Variants in MTUS2 observed in about 807,000 individuals in gnomAD.
MTUS2 encodes microtubule associated scaffold protein 2, also known as microtubule-associated tumor suppressor candidate 2.
Under a neutral mutation model 114.1 loss-of-function variants are expected in MTUS2, and 40 were observed. That is an observed-to-expected ratio of 0.35 (90% confidence interval 0.27 to 0.46). MTUS2 has a LOEUF of 0.46. Among genes scored for constraint, MTUS2 ranks in the 20% least tolerant of loss-of-function variants. MTUS2 has a pLI of 1.00. For synonymous variants in MTUS2, 688 were observed against 672.0 expected (o/e 1.02, Z -0.37); for missense variants, 1,679 against 1,705.4 (o/e 0.98, Z 0.27).
At chr13:29,269,756 A>C (rs141497099) in intron 5 of MTUS2, among the ~76,000 whole-genome samples, 57 of 152,190 alleles carry the variant, frequency 3.7e-4, no homozygotes, top group African/African-American at 1.3e-3. Flanking sequence ...AGATATTTAC[A>C]CTCTCATGTT....
intron 8 of MTUS2, among the ~76,000 whole-genome samples, chr13:29,401,155 T>C (rs1874312346): frequency 6.6e-6 from 1 of 152,060 alleles, no homozygotes; most frequent in Admixed American, 6.6e-5. Flanking sequence ...GACTGGCTAA[T>C]TTTTACATTT....
chr13:29,115,042 A>G (rs888114435), intron 5 of MTUS2, among the ~76,000 whole-genome samples: 1 of 152,258 alleles, frequency 6.6e-6, no homozygotes, highest in African/African-American at 2.4e-5. Flanking sequence ...ACCTGAATAG[A>G]AAGTAATGCA....
intron 2 of MTUS2, among the ~76,000 whole-genome samples, chr13:28,842,143 C>T (rs1262881401): frequency 6.6e-6 from 1 of 151,986 alleles, no homozygotes; most frequent in Non-Finnish European, 1.5e-5. Flanking sequence ...GTGTTGTTTA[C>T]ATCTAAAACG....
intron 7 of MTUS2, among the ~76,000 whole-genome samples, chr13:29,354,226 T>G (rs966751371): frequency 6.6e-6 from 1 of 151,418 alleles, no homozygotes. Context: ...ACCATTGTCT[T>G]GTATATTTTG....
chr13:28,954,670 A>AGG (rs1882974645), intron 2 of MTUS2, among the ~76,000 whole-genome samples: 1 of 152,106 alleles, frequency 6.6e-6, no homozygotes, highest in African/African-American at 2.4e-5. Flanking sequence ...GGAATGGAAA[A>AGG]GGTGGCCTTC....
chr13:29,172,194 A>G (rs1181642261), intron 5 of MTUS2, among the ~76,000 whole-genome samples: 1 of 152,214 alleles, frequency 6.6e-6, no homozygotes, highest in Non-Finnish European at 1.5e-5. Context: ...TCCCCATGTG[A>G]CATTGGACAG....
At chr13:28,959,602 A>G (rs756455703) in intron 2 of MTUS2, among the ~76,000 whole-genome samples, 9 of 152,172 alleles carry the variant, frequency 5.9e-5, no homozygotes, top group Non-Finnish European at 1.2e-4. Flanking sequence ...GCAGAAGATG[A>G]AGGGGAGCTG....
At chr13:28,947,188 A>C (rs1321453937) in intron 2 of MTUS2, among the ~76,000 whole-genome samples, 1 of 152,140 alleles carries the variant, frequency 6.6e-6, no homozygotes, top group African/African-American at 2.4e-5. Context: ...TACTAATTAA[A>C]GTTTTACTGG....
intron 2 of MTUS2, among the ~76,000 whole-genome samples, chr13:28,895,013 T>C (rs1447799615): frequency 6.6e-6 from 1 of 152,260 alleles, no homozygotes; most frequent in Non-Finnish European, 1.5e-5. Context: ...GATTAAAGAA[T>C]GTATTTCGAA....
intron 6 of MTUS2, among the ~76,000 whole-genome samples, chr13:29,304,824 AC>A (rs961279191): frequency 7.3e-4 from 111 of 152,304 alleles, no homozygotes; most frequent in African/African-American, 2.6e-3. Flanking sequence ...CTCAAAAACA[AC>A]AGAATATACA....
intron 2 of MTUS2, among the ~76,000 whole-genome samples, chr13:29,014,323 A>G (rs1010578328): frequency 6.6e-6 from 1 of 152,188 alleles, no homozygotes; most frequent in African/African-American, 2.4e-5. Flanking sequence ...GTTTCTTCTC[A>G]CTTCTAACAT....
chr13:29,260,595 T>C (rs1897434554), intron 5 of MTUS2, among the ~76,000 whole-genome samples: 1 of 152,222 alleles, frequency 6.6e-6, no homozygotes, highest in African/African-American at 2.4e-5. Flanking sequence ...CACATACCTA[T>C]ATAGTCCCCA....
chr13:29,222,547 CTG>C, intron 5 of MTUS2, among the ~76,000 whole-genome samples: 1 of 152,342 alleles, frequency 6.6e-6, no homozygotes, highest in South Asian at 2.1e-4. Context: ...AGGTGGTGGC[CTG>C]TCTGGAGCAG....
intron 6 of MTUS2, among the ~76,000 whole-genome samples, chr13:29,306,375 A>G (rs897995340): frequency 6.6e-6 from 1 of 152,188 alleles, no homozygotes; most frequent in African/African-American, 2.4e-5. Flanking sequence ...ACATGATCCT[A>G]TATCTAGAAA....
In MTUS2 at chr13:29,467,510, C is replaced by T. The variant is rs558699713; in HGVS notation, c.3185-12640C>T. Among the ~76,000 whole-genome samples the T allele has an allele frequency of 2.6e-5, 4 of 152,290 alleles. No individual in the cohort carries two copies. In the South Asian group the frequency reaches 8.3e-4, roughly 32 times the overall value. On this transcript the variant is annotated intron_variant, in intron 9 of 15. Transcript: ENST00000612955. The stretch of plus-strand genomic sequence containing the variant: ...CCGGTGCCGTGGAGATCTGAAAACT[C>T]TGCAAGCCCAAATTAACCTGGAGGA...
At chr13:29,439,364 C>T (rs1262891845) in intron 8 of MTUS2, among the ~76,000 whole-genome samples, 1 of 152,094 alleles carries the variant, frequency 6.6e-6, no homozygotes, top group Non-Finnish European at 1.5e-5. Context: ...GCATTTTTTG[C>T]ACTAAATGGT....
At chr13:29,220,869 T>A (rs1895879261) in intron 5 of MTUS2, among the ~76,000 whole-genome samples, 2 of 152,208 alleles carry the variant, frequency 1.3e-5, no homozygotes, top group African/African-American at 4.8e-5. Flanking sequence ...GTAAACAATG[T>A]GATATCTGCA....
intron 9 of MTUS2, among the ~76,000 whole-genome samples, chr13:29,453,467 C>T (rs1878885143): frequency 6.6e-6 from 1 of 152,168 alleles, no homozygotes. Flanking sequence ...CTCTGAGCTC[C>T]TGAAATGCCT....
chr13:29,337,354 A>T (rs548238008), intron 7 of MTUS2, among the ~76,000 whole-genome samples: 1 of 152,128 alleles, frequency 6.6e-6, no homozygotes, highest in Non-Finnish European at 1.5e-5. Flanking sequence ...CAAATGCACC[A>T]TTCCTCATGG....
Sources: allele counts gnomAD v4.1 joint callset (sites outside exome capture counted in the v4.1 genomes callset), GRCh38; gene constraint gnomAD v4.1.1; transcripts MANE v1.5; gene names NCBI Gene and HGNC (gene_info 2026-07-23, HGNC 2026-07-21).